The following ARRDC5 variants were observed in gnomAD, a reference collection of about 807,000 sequenced individuals.
The protein encoded by ARRDC5 is arrestin domain containing 5.
In ARRDC5, 12 loss-of-function variants were observed where a neutral mutation model predicts 13.3. That is an observed-to-expected ratio of 0.90 (90% CI 0.58 to 1.46). The LOEUF (loss-of-function observed/expected upper bound fraction) is 1.46, where lower values mean the gene tolerates loss of function less well. Among genes scored for constraint, ARRDC5 ranks in the 40% most tolerant of loss-of-function variants. ARRDC5 has a pLI of 0.00. For synonymous variants in ARRDC5, 181 were observed against 173.4 expected, an observed-to-expected ratio of 1.04 and a Z score of -0.34; for missense variants, 406 against 418.7, an observed-to-expected ratio of 0.97 and a Z score of 0.26.
chr19:4,912,155 G>C, the ARRDC5 span, among the ~76,000 whole-genome samples: 1 of 152,140 alleles, frequency 6.6e-6, no homozygotes, highest in African/African-American at 2.4e-5. Context: ...GAGTTAACCC[G>C]CCCTGCCCCG....
At chr19:4,911,185 GA>G in the ARRDC5 span, 1 of 756,032 alleles carries the variant, frequency 1.3e-6, no homozygotes. Flanking sequence ...GAAGTCCACA[GA>G]AACCTCAAAT....
At position 4,891,458 on chromosome 19, in the gene ARRDC5, A is replaced by G; in HGVS notation, c.575T>C (p.Val192Ala). 6.2e-7 allele frequency: 1 copy of G among 1,613,730 alleles called. No homozygotes were observed. The highest frequency in any genetic ancestry group is 1.6e-4 in the Middle Eastern group (1 of 6,062). ...RNTFTPGEKV[V>A]FTTEINNQTS... ...CTGGTTGTTGATCTCTGTTGTGAAG[A>G]CGACCTTCTCTCCTGGCGTGAAGGT... The change falls in exon 3 of 3, where the codon GTC (valine) becomes GCC (alanine). Residue 192 changes from valine (V) to alanine (A), a missense_variant. By Grantham distance (64) the Val-to-Ala change is moderately conservative. Transcript: ENST00000650722.
At chr19:4,894,374 A>G (rs1329520471) in intron 2 of ARRDC5, among the ~76,000 whole-genome samples, 9 of 149,192 alleles carry the variant, frequency 6.0e-5, no homozygotes, top group East Asian at 2.0e-4. Context: ...AGCCGGGCGT[A>G]GTGGCAGGCG....
upstream of ARRDC5, chr19:4,902,954 C>T: frequency 6.9e-7 from 1 of 1,441,384 alleles, no homozygotes; most frequent in Admixed American, 1.9e-5. Context: ...GTGGGGACCC[C>T]AGTGGCCAGG....
At chr19:4,912,775 C>T in the ARRDC5 span, among the ~76,000 whole-genome samples, 156 of 152,034 alleles carry the variant, frequency 1.0e-3, 1 homozygote, top group Middle Eastern at 0.01. Flanking sequence ...GTTGTTGTTC[C>T]TATTTGAGAC....
Position 4,890,981 on chromosome 19 carries a change from G to T in ARRDC5, c.*65C>A. 1 of 1,401,816 alleles carries T rather than the reference G, an allele frequency of 7.1e-7. No individual in the cohort carries two copies. The highest frequency in any genetic ancestry group is 9.7e-7 in the Non-Finnish European group (1 of 1,028,682). The allele number at this position is 1,401,816 out of a possible 1,614,324, so 86.8% of individuals were successfully genotyped here. On this transcript the variant is annotated 3_prime_UTR_variant, in exon 3 of 3. Transcript: ENST00000650722. The stretch of plus-strand genomic sequence containing the variant: ...CTCGACTCCTCTGAGAGTCACCTGT[G>T]CAAGAGAGAGGGCTTCCTCCTGGTA...
At position 4,891,004 on chromosome 19, in the gene ARRDC5, G is replaced by C; in HGVS notation, c.*42C>G. 5 of 1,540,332 alleles carry C rather than the reference G, an allele frequency of 3.2e-6. No individual in the cohort carries two copies. The highest frequency in any genetic ancestry group is 4.4e-6 in the Non-Finnish European group (5 of 1,136,902). ...GTGCAAGAGAGAGGGCTTCCTCCTG[G>C]TAGAGACTAATAAAGCTTTTAATAT... is the stretch of plus-strand genomic sequence containing the variant. On this transcript the variant is annotated 3_prime_UTR_variant, in exon 3 of 3. Transcript: ENST00000650722.
chr19:4,894,744 G>GTGGA (rs1185487645), intron 2 of ARRDC5, among the ~76,000 whole-genome samples: 32 of 148,296 alleles, frequency 2.2e-4, no homozygotes, highest in African/African-American at 6.6e-4. Context: ...GGAAGAGGAA[G>GTGGA]AGGAAGAGGA....
chr19:4,903,752 C>T (rs2031998917), upstream of ARRDC5: 1 of 152,214 alleles, frequency 6.6e-6, no homozygotes. Context: ...ATTCGCCTGC[C>T]TTGGCCTCCC....
the ARRDC5 span, among the ~76,000 whole-genome samples, chr19:4,912,141 A>G: frequency 6.6e-6 from 1 of 152,150 alleles, no homozygotes; most frequent in Non-Finnish European, 1.5e-5. Flanking sequence ...AGTCTTAAGA[A>G]TCTGAGTTAA....
At chr19:4,908,256 A>C in the ARRDC5 span, among the ~76,000 whole-genome samples, 1 of 152,134 alleles carries the variant, frequency 6.6e-6, no homozygotes, top group Non-Finnish European at 1.5e-5. Flanking sequence ...CTAGAGACGC[A>C]TATCTTCGGG....
rs770286415 is a variant in ARRDC5 at position 4,902,884 on chromosome 19, G to C, written c.-59C>G. The C allele has an allele frequency of 1.4e-5, 22 of 1,611,046 alleles. 1 individual carries two copies. The South Asian group carries it at 2.4e-4, about 18-fold the overall frequency. Reference sequence around the variant, plus strand: ...GTCCCCCATGTCCCTGAAATTCCCGGTTCGTTGGCCCTAGTGAGGTAATCC... The same window carrying C: ...GTCCCCCATGTCCCTGAAATTCCCGCTTCGTTGGCCCTAGTGAGGTAATCC... On this transcript the variant is annotated 5_prime_UTR_variant, in exon 1 of 3. Transcript: ENST00000650722.
At chr19:4,896,403 C>CAT (rs1480046737) in intron 2 of ARRDC5, among the ~76,000 whole-genome samples, 129 of 108,380 alleles carry the variant, frequency 1.2e-3, no homozygotes, top group Admixed American at 3.2e-3. Context: ...CACACACACA[C>CAT]ACATATATAT....
At chr19:4,897,513 AT>A (rs2031775006) in intron 1 of ARRDC5, among the ~76,000 whole-genome samples, 1 of 151,924 alleles carries the variant, frequency 6.6e-6, no homozygotes, top group East Asian at 1.9e-4. Context: ...TTCAACAAAT[AT>A]ATCTTTTTTT....
the ARRDC5 span, among the ~76,000 whole-genome samples, chr19:4,908,446 C>T: frequency 6.6e-6 from 1 of 152,096 alleles, no homozygotes; most frequent in Admixed American, 6.6e-5. Flanking sequence ...TATTATATAT[C>T]ACCCCTCTGA....
chr19:4,896,357 TTTTTACACACACACACACAC>T (rs1599214426), intron 2 of ARRDC5, among the ~76,000 whole-genome samples: 2 of 96,064 alleles, frequency 2.1e-5, no homozygotes, highest in East Asian at 2.5e-4. Context: ...TATTTTTTTT[TTTTTACACACACACACACAC>T]ACACACACAC....
chr19:4,892,975 C>G (rs567281891), intron 2 of ARRDC5, among the ~76,000 whole-genome samples: 1 of 150,434 alleles, frequency 6.6e-6, no homozygotes, highest in Non-Finnish European at 1.5e-5. Context: ...TGGTGGCAGG[C>G]GTCGGCAATC....
chr19:4,913,252 CTT>C, the ARRDC5 span, among the ~76,000 whole-genome samples: 4 of 111,182 alleles, frequency 3.6e-5, no homozygotes, highest in Non-Finnish European at 6.9e-5. Flanking sequence ...GTACATTGTG[CTT>C]TTTTTTTTTT....
At chr19:4,899,024 C>A (rs1276819208) in intron 1 of ARRDC5, among the ~76,000 whole-genome samples, 1 of 151,980 alleles carries the variant, frequency 6.6e-6, no homozygotes, top group Non-Finnish European at 1.5e-5. Flanking sequence ...AAATGAAAAA[C>A]CTGGAACAGG....
Sources: gnomAD v4.1 joint callset for allele counts (sites outside exome capture counted in the v4.1 genomes callset) on GRCh38, gnomAD v4.1.1 for gene constraint, MANE v1.5 for transcripts, NCBI Gene and HGNC (gene_info 2026-07-23, HGNC 2026-07-21) for gene names.